Variants in SEL1L2 observed in about 807,000 individuals in gnomAD.
SEL1L2 encodes protein sel-1 homolog 2.
In SEL1L2, 89 loss-of-function variants were observed where a neutral mutation model predicts 98.8. That is an observed-to-expected ratio of 0.90 (90% confidence interval 0.76 to 1.07). SEL1L2 has a LOEUF of 1.07. Ranked by LOEUF, SEL1L2 falls within the 50% of genes least tolerant of loss-of-function variation. The pLI is 0.00. For missense variants in SEL1L2, 788 were observed against 812.0 expected (o/e 0.97, Z 0.36); for synonymous variants, 262 against 278.5 (o/e 0.94, Z 0.59).
intron 5 of SEL1L2, among the ~76,000 whole-genome samples, chr20:13,896,793 T>C (rs577946064): frequency 6.6e-6 from 1 of 152,298 alleles, no homozygotes; most frequent in Admixed American, 6.5e-5. Context: ...GCTGTGTTGA[T>C]GGATTGTGAG....
At chr20:13,917,473 C>T (rs986128743) in intron 4 of SEL1L2, among the ~76,000 whole-genome samples, 5 of 152,186 alleles carry the variant, frequency 3.3e-5, no homozygotes, top group African/African-American at 4.8e-5. Context: ...CACGGTATCA[C>T]TGTGAGCAAT....
At chr20:13,860,710 C>G (rs1217017304) in intron 17 of SEL1L2, among the ~76,000 whole-genome samples, 1 of 152,078 alleles carries the variant, frequency 6.6e-6, no homozygotes, top group Non-Finnish European at 1.5e-5. Flanking sequence ...ACAATCTGCT[C>G]CATCTCAACT....
intron 3 of SEL1L2, chr20:13,928,047 G>C (rs1261825001): frequency 6.6e-6 from 1 of 152,110 alleles, no homozygotes; most frequent in African/African-American, 2.4e-5. Context: ...AGTTATCCTA[G>C]GAACAAAAAC....
intron 17 of SEL1L2, among the ~76,000 whole-genome samples, chr20:13,864,927 A>G (rs1244454553): frequency 2.6e-5 from 4 of 152,208 alleles, no homozygotes; most frequent in African/African-American, 9.6e-5. Context: ...ACGGAGACAG[A>G]GCCATAGAAA....
intron 5 of SEL1L2, 121 bp from the exon 6 acceptor site, chr20:13,888,633 C>CTTTTT: frequency 1.3e-5 from 3 of 232,084 alleles, no homozygotes; most frequent in South Asian, 4.8e-5. Context: ...TTCTTTCTTT[C>CTTTTT]TCTTTTTTTT....
chr20:13,911,327 A>C (rs1441739270), intron 5 of SEL1L2, among the ~76,000 whole-genome samples: 3 of 152,220 alleles, frequency 2.0e-5, no homozygotes, highest in African/African-American at 7.2e-5. Context: ...ATGTATACAC[A>C]CACTAAGAAA....
chr20:13,875,224 C>T (rs886860925), intron 12 of SEL1L2, among the ~76,000 whole-genome samples: 2 of 152,162 alleles, frequency 1.3e-5, no homozygotes, highest in African/African-American at 4.8e-5. Flanking sequence ...TGAAGCATAG[C>T]CTTGTGAGCA....
intron 18 of SEL1L2, among the ~76,000 whole-genome samples, chr20:13,854,000 T>A (rs934212088): frequency 6.6e-6 from 1 of 152,230 alleles, no homozygotes; most frequent in Non-Finnish European, 1.5e-5. Context: ...CTAAGAAATG[T>A]GTTTTCTGTC....
intron 13 of SEL1L2, 71 bp from the exon 14 acceptor site, chr20:13,869,661 C>A: frequency 8.6e-7 from 1 of 1,163,094 alleles, no homozygotes; most frequent in Non-Finnish European, 1.3e-6. Context: ...CCTTCCACTT[C>A]TTAAAAAGAG....
chr20:13,970,285 C>T (rs1476442571), intron 1 of SEL1L2, among the ~76,000 whole-genome samples: 2 of 152,138 alleles, frequency 1.3e-5, no homozygotes, highest in African/African-American at 2.4e-5. Context: ...CAGTGGTTGA[C>T]ATTTAATTAC....
intron 4 of SEL1L2, 124 bp from the exon 5 acceptor site, chr20:13,914,068 GTTCAT>G: frequency 1.3e-6 from 1 of 769,074 alleles, no homozygotes; most frequent in Admixed American, 3.8e-5. Context: ...TTTAGCTGAA[GTTCAT>G]TACATCTCTA....
upstream of SEL1L2, among the ~76,000 whole-genome samples, chr20:13,992,573 G>A (rs1005589486): frequency 9.9e-5 from 15 of 152,168 alleles, no homozygotes; most frequent in African/African-American, 2.9e-4. Context: ...ATCAGAGACT[G>A]GGGAATGGGG....
intron 5 of SEL1L2, among the ~76,000 whole-genome samples, chr20:13,912,292 AT>A (rs11478603): frequency 0.089 from 9,922 of 111,328 alleles, 193 homozygotes; most frequent in African/African-American, 0.13. Context: ...TTTCTGTGGG[AT>A]TTTTTTTTTT....
chr20:13,859,410 A>G lies in SEL1L2; in HGVS notation c.1670T>C (p.Ile557Thr). Reference sequence around the variant, plus strand: ...ATAGCCATAGTAATGGTAATCTCCAATTTTTACTCTAGCAAATGCATTGCC... The same window carrying G: ...ATAGCCATAGTAATGGTAATCTCCAGTTTTTACTCTAGCAAATGCATTGCC... ...IQGNAFARVK[I>T]GDYHYYGYGT... The change falls in exon 18 of 20, where the codon ATT (isoleucine) becomes ACT (threonine). Residue 557 changes from isoleucine to threonine, a missense_variant. Physicochemically the swap from Ile to Thr is moderately conservative, Grantham distance 89. Coordinates refer to ENST00000284951, the MANE Select transcript of SEL1L2 (RefSeq NM_025229.2). 4 of 1,613,906 alleles carry G rather than the reference A, an allele frequency of 2.5e-6. No individual in the cohort carries two copies. Among genetic ancestry groups the G allele is most frequent in the South Asian group, 1.1e-5 (1 of 91,052 alleles).
At chr20:13,979,759 A>G (rs1317753033) in intron 1 of SEL1L2, among the ~76,000 whole-genome samples, 1 of 152,168 alleles carries the variant, frequency 6.6e-6, no homozygotes, top group South Asian at 2.1e-4. Flanking sequence ...AAAAGTACTA[A>G]AAGAAAATAT....
intron 1 of SEL1L2, among the ~76,000 whole-genome samples, chr20:13,979,508 G>A (rs1003584027): frequency 2.6e-5 from 4 of 152,116 alleles, no homozygotes; most frequent in Admixed American, 6.5e-5. Flanking sequence ...ACTCTGCATC[G>A]TTGATGAAAT....
chr20:13,872,993 CTTT>C (rs112463334), intron 12 of SEL1L2, among the ~76,000 whole-genome samples: 5 of 141,144 alleles, frequency 3.5e-5, no homozygotes, highest in Admixed American at 1.4e-4. Context: ...TTTCTTTTTT[CTTT>C]TTTTTTTTTT....
upstream of SEL1L2, among the ~76,000 whole-genome samples, chr20:13,992,448 G>T (rs2052563727): frequency 6.6e-6 from 1 of 152,114 alleles, no homozygotes; most frequent in Non-Finnish European, 1.5e-5. Context: ...AGGTTGCAGT[G>T]AGCCAAGATC....
chr20:13,911,161 C>T (rs377628253), intron 5 of SEL1L2, among the ~76,000 whole-genome samples: 1 of 152,222 alleles, frequency 6.6e-6, no homozygotes, highest in East Asian at 1.9e-4. Context: ...GCACTTTATA[C>T]GCACCTTAAC....
Sources: allele counts gnomAD v4.1 joint callset (sites outside exome capture counted in the v4.1 genomes callset), GRCh38; gene constraint gnomAD v4.1.1; transcripts MANE v1.5; gene names NCBI Gene and HGNC (gene_info 2026-07-23, HGNC 2026-07-21).